GFM2: variants seen among roughly 807,000 people sequenced by gnomAD.
GFM2 encodes the protein GTP dependent ribosome recycling factor mitochondrial 2.
In GFM2, 72 loss-of-function variants were observed where a neutral mutation model predicts 95.4. That is an observed-to-expected ratio of 0.76 (90% confidence interval 0.62 to 0.92). GFM2 has a LOEUF of 0.92. GFM2 is among the 40% of genes least tolerant of loss of function. GFM2 has a pLI of 0.00. For synonymous variants in GFM2, 276 were observed against 317.5 expected, an observed-to-expected ratio of 0.87 and a Z score of 1.39; for missense variants, 825 against 924.1, an observed-to-expected ratio of 0.89 and a Z score of 1.39.
At chr5:74,747,101 T>C (rs1348381304) in intron 8 of GFM2, among the ~76,000 whole-genome samples, 1 of 152,192 alleles carries the variant, frequency 6.6e-6, no homozygotes, top group African/African-American at 2.4e-5. Context: ...ATCTTTCAAA[T>C]ATTCTTGATT....
In GFM2 at chr5:74,733,216, T is replaced by C. The variant is rs1742664018; in HGVS notation, c.1511-118A>G. ...TTTTGAAAAAGAAATTTCGACCAGG[T>C]GTGGTGACTCACGTCTGTAATCCCA... On this transcript the variant is annotated intron_variant, in intron 15 of 20. Coordinates refer to ENST00000296805, the MANE Select transcript of GFM2 (RefSeq NM_032380.5). The C allele has an allele frequency of 7.3e-6, 5 of 686,316 alleles. No homozygotes were observed. In the East Asian group the frequency reaches 1.5e-4, roughly 20 times the overall value. The allele number at this position is 686,316 out of a possible 1,614,324, so 42.5% of individuals were successfully genotyped here. A position where few individuals can be genotyped will look rare whatever the true frequency, so the allele number is the denominator to read the frequency against.
At position 74,766,532 on chromosome 5, in the gene GFM2, G is replaced by A. The variant is rs540331003; in HGVS notation, c.-25+406C>T. ...TAGTTAATTACTTCTTGACACTAGGGGGCCACTAAATACAAGTCCACTCAG... is the reference window on the plus strand; with the variant it reads ...TAGTTAATTACTTCTTGACACTAGGAGGCCACTAAATACAAGTCCACTCAG... On this transcript the variant is annotated intron_variant, in intron 1 of 20. Coordinates refer to ENST00000296805, the MANE Select transcript of GFM2 (RefSeq NM_032380.5). 1.1e-3 allele frequency among the ~76,000 whole-genome samples: 161 copies of A among 152,152 alleles called. 1 individual carries two copies. Among genetic ancestry groups the A allele is most frequent in the South Asian group, 3.7e-3 (18 of 4,820 alleles).
chr5:74,742,231 C>T (rs1183393543), intron 10 of GFM2, among the ~76,000 whole-genome samples: 6 of 149,238 alleles, frequency 4.0e-5, no homozygotes, highest in Non-Finnish European at 8.9e-5. Flanking sequence ...TATAACAGTA[C>T]AAGGGAGCAA....
chr5:74,763,522 T>G (rs1744389101), intron 2 of GFM2, among the ~76,000 whole-genome samples, 158 bp downstream of exon 2: 2 of 152,210 alleles, frequency 1.3e-5, no homozygotes, highest in Admixed American at 6.5e-5. Context: ...TCTTAATAAA[T>G]TAAGGTAATT....
chr5:74,746,427 A>T (rs1743391874), intron 8 of GFM2, among the ~76,000 whole-genome samples: 1 of 152,222 alleles, frequency 6.6e-6, no homozygotes, highest in Non-Finnish European at 1.5e-5. Context: ...AGCTTCGCAT[A>T]ACTATACTTT....
At chr5:74,743,811 A>G (rs1177929830) in intron 10 of GFM2, among the ~76,000 whole-genome samples, 3 of 152,226 alleles carry the variant, frequency 2.0e-5, no homozygotes, top group Non-Finnish European at 4.4e-5. Context: ...TTCAGATTCT[A>G]GCTCAGCCAC....
intron 2 of GFM2, among the ~76,000 whole-genome samples, chr5:74,762,279 A>G (rs1744323480): frequency 6.6e-6 from 1 of 152,168 alleles, no homozygotes. Context: ...CAGGGGTTAT[A>G]TTCCAAGACC....
intron 7 of GFM2, among the ~76,000 whole-genome samples, chr5:74,750,253 A>T (rs1743624824): frequency 6.6e-6 from 1 of 152,216 alleles, no homozygotes; most frequent in Non-Finnish European, 1.5e-5. Flanking sequence ...AGAAACAGAA[A>T]TAACAGTGTA....
chr5:74,728,748 CTTTTTTTTTTTTTT>C (rs57180600), intron 17 of GFM2, among the ~76,000 whole-genome samples: 2 of 58,236 alleles, frequency 3.4e-5, no homozygotes, highest in Admixed American at 2.2e-4. Context: ...GTGGGGGTTT[CTTTTTTTTTTTTTT>C]TTTTTTTTTT....
chr5:74,756,343 C>T (rs1242536053), intron 5 of GFM2, among the ~76,000 whole-genome samples: 3 of 152,074 alleles, frequency 2.0e-5, no homozygotes, highest in Non-Finnish European at 4.4e-5. Flanking sequence ...GCAATACCAC[C>T]TTACTCCTGC....
intron 2 of GFM2, 23 bp downstream of exon 2, chr5:74,763,657 T>C: frequency 7.1e-7 from 1 of 1,416,156 alleles, no homozygotes; most frequent in Non-Finnish European, 1.0e-6. Flanking sequence ...TAAAGGACAC[T>C]TAATTTTATA....
chr5:74,724,426 C>T (rs1750055972), intron 19 of GFM2, among the ~76,000 whole-genome samples: 1 of 151,156 alleles, frequency 6.6e-6, no homozygotes, highest in Non-Finnish European at 1.5e-5. Flanking sequence ...CTGCTTGAGC[C>T]CAGGAGTTCA....
chr5:74,751,367 C>T lies in GFM2; in HGVS notation c.430+1G>A. The stretch of plus-strand genomic sequence containing the variant: ...TCTGTGTTACTGGAATCGTACCATA[C>T]CTGGTGTATCAATTAGATTGACTCT... On this transcript the variant is annotated splice_donor_variant, in intron 6 of 20. Coordinates refer to ENST00000296805, the MANE Select transcript of GFM2 (RefSeq NM_032380.5). LOFTEE classifies it high-confidence loss of function. 6.2e-7 allele frequency: 1 copy of T among 1,612,414 alleles called. No individual in the cohort carries two copies. Among genetic ancestry groups the T allele is most frequent in the Non-Finnish European group, 8.5e-7 (1 of 1,179,084 alleles).
chr5:74,726,271 T>C (rs1248331662), intron 17 of GFM2, 145 bp from the exon 18 acceptor site: 4 of 566,432 alleles, frequency 7.1e-6, no homozygotes, highest in Non-Finnish European at 1.2e-5. Flanking sequence ...CTAAATACAG[T>C]ATAAAAATCA....
At chr5:74,765,751 C>T (rs1384710076) in intron 1 of GFM2, among the ~76,000 whole-genome samples, 1 of 152,130 alleles carries the variant, frequency 6.6e-6, no homozygotes, top group Non-Finnish European at 1.5e-5. Context: ...AATTCCAGCA[C>T]TTTGGGAGGC....
At chr5:74,726,615 A>AT in intron 17 of GFM2, among the ~76,000 whole-genome samples, 1 of 152,272 alleles carries the variant, frequency 6.6e-6, no homozygotes. Context: ...TTTCTTTCCC[A>AT]AAAAACCAGT....
chr5:74,763,674 G>A lies in GFM2; in HGVS notation c.63+6C>T. The A allele has an allele frequency of 6.6e-7, 1 of 1,526,082 alleles. No homozygotes were observed. The highest frequency in any genetic ancestry group is 1.1e-5 in the South Asian group (1 of 88,374). The allele number at this position is 1,526,082 out of a possible 1,614,324, so 94.5% of individuals were successfully genotyped here. A position where few individuals can be genotyped will look rare whatever the true frequency, so the allele number is the denominator to read the frequency against. Reference sequence around the variant, plus strand: ...AAGGACACTTAATTTTATAAGAAATGCTTACATTAATATACACACTGGGTA... The same window carrying A: ...AAGGACACTTAATTTTATAAGAAATACTTACATTAATATACACACTGGGTA... On this transcript the variant is annotated splice_donor_region_variant and intron_variant, in intron 2 of 20. Coordinates refer to ENST00000296805, the MANE Select transcript of GFM2 (RefSeq NM_032380.5).
rs543895875 is a variant in GFM2, at chr5:74,721,402, T to C, written c.*253A>G. On this transcript the variant is annotated 3_prime_UTR_variant, in exon 21 of 21. Transcript: ENST00000296805. The stretch of plus-strand genomic sequence containing the variant: ...ATACCACTCTTCTGAAGGCTACTTA[T>C]AGTAATAACTTCATAGATGAACAGC... The C allele has an allele frequency of 1.3e-5, 9 of 715,674 alleles. No homozygotes were observed. The highest frequency in any genetic ancestry group is 1.1e-4 in the South Asian group (7 of 65,874). The allele number at this position is 715,674 out of a possible 1,614,324, so 44.3% of individuals were successfully genotyped here. A position where few individuals can be genotyped will look rare whatever the true frequency, so the allele number is the denominator to read the frequency against.
At chr5:74,732,475 TAA>T (rs1043037554) in intron 16 of GFM2, among the ~76,000 whole-genome samples, 9 of 150,040 alleles carry the variant, frequency 6.0e-5, no homozygotes, top group Admixed American at 1.3e-4. Flanking sequence ...CCTGTCCTCC[TAA>T]AAAGAGGATG....
Sources: gnomAD v4.1 joint callset for allele counts (sites outside exome capture counted in the v4.1 genomes callset) on GRCh38, gnomAD v4.1.1 for gene constraint, MANE v1.5 for transcripts, NCBI Gene and HGNC (gene_info 2026-07-23, HGNC 2026-07-21) for gene names.